Variants in ABCC1 observed in about 807,000 individuals in gnomAD.
ABCC1 encodes multidrug resistance-associated protein 1.
In ABCC1, 83 loss-of-function variants were observed where a neutral mutation model predicts 172.9. That is an observed-to-expected ratio of 0.48 (90% CI 0.40 to 0.58). ABCC1 has a LOEUF of 0.58. Among genes scored for constraint, ABCC1 ranks in the 20% least tolerant of loss-of-function variants. The probability of loss-of-function intolerance (pLI) is 0.00; values close to 1 mark genes in which losing one functional copy is unlikely to be tolerated. For synonymous variants in ABCC1, 937 were observed against 825.2 expected, an observed-to-expected ratio of 1.14 and a Z score of -2.32; for missense variants, 1,817 against 2,002.7, an observed-to-expected ratio of 0.91 and a Z score of 1.77.
chr16:16,031,042 T>G (rs2048542176), intron 5 of ABCC1, among the ~76,000 whole-genome samples: 1 of 151,656 alleles, frequency 6.6e-6, no homozygotes, highest in Admixed American at 6.6e-5. Context: ...AGAGACGAGG[T>G]TTCATCATGT....
rs77764335 is a variant in ABCC1 at position 15,988,336 on chromosome 16, G to A, written c.49-19480G>A. Among the ~76,000 whole-genome samples, 332 of 152,226 alleles carry A rather than the reference G, an allele frequency of 2.2e-3. 13 individuals carry two copies. The East Asian group carries it at 0.059, about 27-fold the overall frequency. The stretch of plus-strand genomic sequence containing the variant: ...ACCATCTGTCTCTTCTCTTTAGGCT[G>A]TCAGCTCCAGGAGGGCCGGCCCTTG... On this transcript the variant is annotated intron_variant, in intron 1 of 30. Transcript: ENST00000399410.
rs548673461 is a variant in ABCC1 at position 16,081,943 on chromosome 16, C to T, written c.2116-1423C>T. ...CTGAGGAAGGAGAATCCCTTGAGCC[C>T]GGAGGCAGAGACTGCAGTGAGCTGA... On this transcript the variant is annotated intron_variant, in intron 16 of 30. Coordinates refer to ENST00000399410, the MANE Select transcript of ABCC1 (RefSeq NM_004996.4). 2.6e-4 allele frequency among the ~76,000 whole-genome samples: 40 copies of T among 152,190 alleles called. 1 individual carries two copies. In the South Asian group the frequency reaches 7.3e-3, roughly 28 times the overall value.
chr16:15,999,322 G>A (rs921375635), intron 1 of ABCC1, among the ~76,000 whole-genome samples: 7 of 151,978 alleles, frequency 4.6e-5, no homozygotes, highest in Non-Finnish European at 7.4e-5. Flanking sequence ...TTTTTTTAAA[G>A]AAATGGGGTC....
intron 19 of ABCC1, among the ~76,000 whole-genome samples, chr16:16,090,932 T>C (rs2051226694): frequency 6.6e-6 from 1 of 151,866 alleles, no homozygotes; most frequent in Admixed American, 6.6e-5. Flanking sequence ...GTAATTAAAG[T>C]CCTGGCTCTC....
At chr16:15,964,265 G>T (rs2046198408) in intron 1 of ABCC1, among the ~76,000 whole-genome samples, 1 of 151,976 alleles carries the variant, frequency 6.6e-6, no homozygotes, top group South Asian at 2.1e-4. Context: ...TTTATGCTCT[G>T]CTTCCTCTTG....
intron 7 of ABCC1, among the ~76,000 whole-genome samples, chr16:16,041,806 G>C (rs141661962): frequency 5.7e-4 from 87 of 152,214 alleles, no homozygotes; most frequent in Non-Finnish European, 8.1e-4. Flanking sequence ...CTTCTCAAAA[G>C]TCAGGTGTGG....
chr16:15,986,221 C>T (rs1277653294), intron 1 of ABCC1, among the ~76,000 whole-genome samples: 1 of 152,156 alleles, frequency 6.6e-6, no homozygotes, highest in Non-Finnish European at 1.5e-5. Flanking sequence ...AGGCATGAGC[C>T]ACCACGCCCT....
At chr16:16,113,785 A>G (rs1304669129) in intron 22 of ABCC1, among the ~76,000 whole-genome samples, 1 of 152,072 alleles carries the variant, frequency 6.6e-6, no homozygotes, top group Non-Finnish European at 1.5e-5. Flanking sequence ...TTTTGGCACC[A>G]GGGACTGGTT....
At position 16,139,854 on chromosome 16, in the gene ABCC1, C is replaced by CAGCCTTGCTT. The variant is rs543015472; in HGVS notation, c.4487+1303_4487+1304insCTTAGCCTTG. 1.4e-4 allele frequency among the ~76,000 whole-genome samples: 22 copies of CAGCCTTGCTT among 152,210 alleles called. 1 individual carries two copies. The East Asian group carries it at 4.1e-3, about 28-fold the overall frequency. On this transcript the variant is annotated intron_variant, in intron 30 of 30. Coordinates refer to ENST00000399410, the MANE Select transcript of ABCC1 (RefSeq NM_004996.4). ...TGAGACCTGAACAATGAAAAGGAGTCAGCCTTGAGAAGATCTGGGACAGCG... is the reference window on the plus strand; with the variant it reads ...TGAGACCTGAACAATGAAAAGGAGTCAGCCTTGCTTAGCCTTGAGAAGATCTGGGACAGCG...
chr16:16,027,024 G>A (rs78774740), intron 5 of ABCC1, among the ~76,000 whole-genome samples: 1 of 152,260 alleles, frequency 6.6e-6, no homozygotes, highest in East Asian at 1.9e-4. Flanking sequence ...TTACTGGGCC[G>A]AGGGAAGGTT....
chr16:15,977,973 G>A (rs1052879258), intron 1 of ABCC1, among the ~76,000 whole-genome samples: 34 of 152,122 alleles, frequency 2.2e-4, no homozygotes, highest in African/African-American at 8.2e-4. Context: ...TTACTTCTCT[G>A]TGCCTTAGTC....
chr16:16,015,294 C>T (rs951424036), intron 4 of ABCC1, among the ~76,000 whole-genome samples: 1 of 152,156 alleles, frequency 6.6e-6, no homozygotes, highest in African/African-American at 2.4e-5. Flanking sequence ...CACGCGCCAC[C>T]ATGCCCAGCT....
At chr16:15,969,781 G>C (rs895500275) in intron 1 of ABCC1, among the ~76,000 whole-genome samples, 2 of 152,040 alleles carry the variant, frequency 1.3e-5, no homozygotes, top group African/African-American at 4.8e-5. Context: ...CTCTTTGCAG[G>C]AGGTAGAATC....
At chr16:16,120,094 C>T (rs1266934204) in intron 23 of ABCC1, among the ~76,000 whole-genome samples, 1 of 152,130 alleles carries the variant, frequency 6.6e-6, no homozygotes, top group East Asian at 1.9e-4. Flanking sequence ...AACGCCCGTG[C>T]CGCCACCCAG....
At position 16,048,202 on chromosome 16, in the gene ABCC1, A is replaced by C; in HGVS notation, c.1279A>C (p.Met427Leu). The C allele has an allele frequency of 1.9e-6, 3 of 1,614,070 alleles. No homozygotes were observed. Among genetic ancestry groups the C allele is most frequent in the Non-Finnish European group, 2.5e-6 (3 of 1,179,986 alleles). ...SSTVGEIVNL[M>L]SVDAQRFMDL... ...CACGGTCGGGGAGATTGTCAACCTC[A>C]TGTCTGTGGACGCTCAGAGGTTCAT... Residue 427 changes from methionine (M) to leucine (L), a missense_variant, in exon 10 of 31, where the codon ATG (methionine) becomes CTG (leucine). Transcript: ENST00000399410.
intron 9 of ABCC1, among the ~76,000 whole-genome samples, chr16:16,047,808 C>T (rs2049274088): frequency 6.6e-6 from 1 of 151,938 alleles, no homozygotes; most frequent in South Asian, 2.1e-4. Flanking sequence ...CTTGCAGAAT[C>T]CAAAACAACT....
At chr16:16,121,455 T>G (rs555480893) in intron 23 of ABCC1, among the ~76,000 whole-genome samples, 28 of 152,302 alleles carry the variant, frequency 1.8e-4, no homozygotes, top group African/African-American at 6.5e-4. Context: ...TGAACTGAGG[T>G]CTCGTTGACC....
intron 1 of ABCC1, among the ~76,000 whole-genome samples, chr16:15,959,008 C>A (rs1006046853): frequency 2.6e-5 from 4 of 152,156 alleles, no homozygotes; most frequent in African/African-American, 7.2e-5. Flanking sequence ...TCCATATGTT[C>A]CCTGGGGTGT....
intron 1 of ABCC1, among the ~76,000 whole-genome samples, chr16:16,005,559 G>C (rs970869402): frequency 1.3e-5 from 2 of 152,070 alleles, no homozygotes; most frequent in Admixed American, 6.5e-5. Context: ...TGTTGGCCAG[G>C]ATGGTCTTGA....
Sources: allele counts gnomAD v4.1 joint callset (sites outside exome capture counted in the v4.1 genomes callset), GRCh38; gene constraint gnomAD v4.1.1; transcripts MANE v1.5; gene names NCBI Gene and HGNC (gene_info 2026-07-23, HGNC 2026-07-21).